Variants in PTPRD observed in about 807,000 individuals in gnomAD.
The protein encoded by PTPRD is receptor-type tyrosine-protein phosphatase delta.
PTPRD carries 34 observed loss-of-function variants against 214.5 expected under a neutral mutation model. The observed-to-expected ratio is 0.16, with a 90% CI of 0.12 to 0.21. The LOEUF is 0.21. Ranked by LOEUF, PTPRD falls within the 10% of genes least tolerant of loss-of-function variation. The probability of loss-of-function intolerance (pLI) is 1.00; values close to 1 mark genes in which losing one functional copy is unlikely to be tolerated. For synonymous variants in PTPRD, 1,128 were observed against 845.7 expected, an observed-to-expected ratio of 1.33 and a Z score of -5.79; for missense variants, 2,545 against 2,398.7, an observed-to-expected ratio of 1.06 and a Z score of -1.27.
At chr9:8,410,322 G>A (rs975963473) in intron 35 of PTPRD, among the ~76,000 whole-genome samples, 1 of 152,206 alleles carries the variant, frequency 6.6e-6, no homozygotes, top group Non-Finnish European at 1.5e-5. Flanking sequence ...ACAAAATCTG[G>A]AAGTCAGAGA....
At chr9:8,685,995 C>G (rs2097673884) in intron 12 of PTPRD, among the ~76,000 whole-genome samples, 1 of 152,142 alleles carries the variant, frequency 6.6e-6, no homozygotes, top group Admixed American at 6.5e-5. Flanking sequence ...CAGTCTGGCT[C>G]TTGGGGAGAT....
chr9:9,454,326 T>C lies in PTPRD; in HGVS notation c.-236-56844A>G, dbSNP rs761553232. Among the ~76,000 whole-genome samples, 55 of 151,760 alleles carry C rather than the reference T, an allele frequency of 3.6e-4. 1 individual carries two copies. Among genetic ancestry groups the C allele is most frequent in the Non-Finnish European group, 6.2e-4 (42 of 67,794 alleles). On this transcript the variant is annotated intron_variant, in intron 8 of 45. Coordinates refer to ENST00000381196, the MANE Select transcript of PTPRD (RefSeq NM_002839.4). ...GCCACCAATGTGAAATCTATGGACATGGAATTGGGAAGACATACCAGCCAC... is the reference window on the plus strand; with the variant it reads ...GCCACCAATGTGAAATCTATGGACACGGAATTGGGAAGACATACCAGCCAC...
intron 2 of PTPRD, among the ~76,000 whole-genome samples, chr9:10,379,251 TG>T (rs2097779007): frequency 3.3e-5 from 5 of 149,270 alleles, no homozygotes; most frequent in African/African-American, 4.9e-5. Context: ...GTTTTTTTTG[TG>T]TGTGTGTGTG....
chr9:9,701,320 G>A (rs922205756), intron 7 of PTPRD, among the ~76,000 whole-genome samples: 1 of 152,052 alleles, frequency 6.6e-6, no homozygotes, highest in African/African-American at 2.4e-5. Flanking sequence ...ACTAATTAAG[G>A]ACAAAAGCAG....
intron 11 of PTPRD, among the ~76,000 whole-genome samples, chr9:8,797,514 C>T (rs1018525046): frequency 6.6e-6 from 1 of 152,190 alleles, no homozygotes; most frequent in African/African-American, 2.4e-5. Flanking sequence ...TGCACCATCA[C>T]ACACTATGAA....
intron 5 of PTPRD, among the ~76,000 whole-genome samples, chr9:9,930,179 G>A (rs1319829509): frequency 6.6e-6 from 1 of 152,170 alleles, no homozygotes; most frequent in Non-Finnish European, 1.5e-5. Context: ...CCAGACATCA[G>A]CACTGGAAAC....
chr9:9,679,820 G>C (rs1441061904), intron 7 of PTPRD, among the ~76,000 whole-genome samples: 2 of 151,824 alleles, frequency 1.3e-5, no homozygotes, highest in Non-Finnish European at 2.9e-5. Flanking sequence ...ACAAATTGAA[G>C]GTGTAGAAAA....
intron 2 of PTPRD, among the ~76,000 whole-genome samples, chr9:10,588,741 G>A (rs1337832602): frequency 6.6e-6 from 1 of 151,790 alleles, no homozygotes; most frequent in Non-Finnish European, 1.5e-5. Flanking sequence ...CTTAAAAGGC[G>A]ATCTCTTCCT....
intron 39 of PTPRD, among the ~76,000 whole-genome samples, chr9:8,350,981 G>C (rs918549208): frequency 6.6e-6 from 1 of 151,846 alleles, no homozygotes; most frequent in Admixed American, 6.6e-5. Context: ...CTAGCACGGA[G>C]GTCTATCTAC....
chr9:8,840,713 T>C (rs79358030), intron 11 of PTPRD, among the ~76,000 whole-genome samples: 1 of 152,312 alleles, frequency 6.6e-6, no homozygotes, highest in East Asian at 1.9e-4. Flanking sequence ...TACATAAATT[T>C]CAAACACCAC....
At chr9:10,068,652 G>T in intron 3 of PTPRD, among the ~76,000 whole-genome samples, 1 of 151,574 alleles carries the variant, frequency 6.6e-6, no homozygotes. Context: ...AGAAACTGGT[G>T]TAACCACAAG....
intron 7 of PTPRD, among the ~76,000 whole-genome samples, chr9:9,730,847 G>T (rs1433985174): frequency 6.6e-6 from 1 of 152,112 alleles, no homozygotes; most frequent in Non-Finnish European, 1.5e-5. Context: ...AGAATACACA[G>T]ATAAAGCACC....
At chr9:9,835,494 T>C (rs2056484123) in intron 5 of PTPRD, among the ~76,000 whole-genome samples, 1 of 152,092 alleles carries the variant, frequency 6.6e-6, no homozygotes. Context: ...CACACTGGAA[T>C]AGAGTATGCG....
intron 8 of PTPRD, among the ~76,000 whole-genome samples, chr9:9,466,321 T>C (rs528116368): frequency 2.0e-5 from 3 of 152,182 alleles, no homozygotes; most frequent in African/African-American, 7.2e-5. Flanking sequence ...AATAAGTAAG[T>C]AAATAATAAA....
rs140282254 is a variant in PTPRD, at chr9:10,370,254, T to C, written c.-599-29237A>G. Among the ~76,000 whole-genome samples the C allele has an allele frequency of 7.7e-3, 1,169 of 152,204 alleles. 16 individuals carry two copies. The highest frequency in any genetic ancestry group is 0.027 in the African/African-American group (1,122 of 41,560). On this transcript the variant is annotated intron_variant, in intron 2 of 45. Coordinates refer to ENST00000381196, the MANE Select transcript of PTPRD (RefSeq NM_002839.4). ...TATCTTTTTCTTCTCATTAAAAATG[T>C]AGTGAATGTAATCAGTGAAAGGAAG... is the stretch of plus-strand genomic sequence containing the variant.
chr9:9,305,199 G>C (rs764383879), intron 9 of PTPRD, among the ~76,000 whole-genome samples: 3 of 151,400 alleles, frequency 2.0e-5, no homozygotes, highest in Non-Finnish European at 4.4e-5. Context: ...TTCCAAAATT[G>C]TCTTCGTAAC....
intron 7 of PTPRD, among the ~76,000 whole-genome samples, chr9:9,601,152 TGG>T (rs145964431): frequency 2.1e-4 from 14 of 67,230 alleles, no homozygotes; most frequent in South Asian, 1.4e-3. Context: ...TGTGTGTGTA[TGG>T]GGGGGGGAGA....
chr9:10,442,358 C>T (rs545559611), intron 2 of PTPRD, among the ~76,000 whole-genome samples: 7 of 151,718 alleles, frequency 4.6e-5, no homozygotes, highest in South Asian at 2.1e-4. Flanking sequence ...TGCTAATTTA[C>T]TTGATTAGTT....
At chr9:10,044,401 GATA>G (rs1274071981) in intron 3 of PTPRD, among the ~76,000 whole-genome samples, 4 of 151,574 alleles carry the variant, frequency 2.6e-5, no homozygotes, top group African/African-American at 2.4e-5. Context: ...TATACCCCAG[GATA>G]ATATGTTTTC....
Sources: allele counts gnomAD v4.1 joint callset (sites outside exome capture counted in the v4.1 genomes callset), GRCh38; gene constraint gnomAD v4.1.1; transcripts MANE v1.5; gene names NCBI Gene and HGNC (gene_info 2026-07-23, HGNC 2026-07-21).